The following CADM1 variants were observed in gnomAD, a reference collection of about 807,000 sequenced individuals.
The protein encoded by CADM1 is TSLC-1.
CADM1 carries 15 observed loss-of-function variants against 53.1 expected under a neutral mutation model. The observed-to-expected ratio is 0.28, with a 90% CI of 0.19 to 0.44. CADM1 has a LOEUF of 0.44. CADM1 is among the 20% of genes least tolerant of loss of function. The pLI is 1.00. For missense variants in CADM1, 434 were observed against 611.3 expected, an observed-to-expected ratio of 0.71 and a Z score of 3.06; for synonymous variants, 281 against 243.0, an observed-to-expected ratio of 1.16 and a Z score of -1.45.
intron 1 of CADM1, among the ~76,000 whole-genome samples, chr11:115,354,435 T>TAGA (rs1945812079): frequency 6.6e-6 from 1 of 152,128 alleles, no homozygotes; most frequent in East Asian, 1.9e-4. Flanking sequence ...CCTGATATTC[T>TAGA]TAAGACCTGG....
intron 3 of CADM1, among the ~76,000 whole-genome samples, chr11:115,237,312 T>A (rs531558964): frequency 6.6e-6 from 1 of 152,332 alleles, no homozygotes; most frequent in Admixed American, 6.5e-5. Context: ...CCATCTATCA[T>A]TAAACACAGA....
intron 6 of CADM1, among the ~76,000 whole-genome samples, chr11:115,217,038 A>G (rs1941216646): frequency 6.6e-6 from 1 of 152,208 alleles, no homozygotes; most frequent in Non-Finnish European, 1.5e-5. Context: ...AGCGTCCTTA[A>G]TCCCAACATT....
chr11:115,183,759 C>T (rs748552912), intron 10 of CADM1, among the ~76,000 whole-genome samples: 11 of 152,110 alleles, frequency 7.2e-5, no homozygotes, highest in Admixed American at 2.6e-4. Flanking sequence ...GGCGCTTAAA[C>T]GCACACTTTA....
chr11:115,274,789 G>GGCA (rs1361177885), intron 1 of CADM1, among the ~76,000 whole-genome samples: 1 of 152,084 alleles, frequency 6.6e-6, no homozygotes, highest in Admixed American at 6.6e-5. Context: ...TGGGTGGGGT[G>GGCA]GCAGCCCAGG....
At chr11:115,350,506 T>C (rs936935988) in intron 1 of CADM1, among the ~76,000 whole-genome samples, 2 of 127,388 alleles carry the variant, frequency 1.6e-5, no homozygotes, top group African/African-American at 2.6e-5. Flanking sequence ...CCATTCTTTT[T>C]TTCTTTTTTT....
chr11:115,243,583 G>A (rs370866822), intron 1 of CADM1, among the ~76,000 whole-genome samples: 12 of 152,014 alleles, frequency 7.9e-5, no homozygotes, highest in Admixed American at 2.6e-4. Flanking sequence ...ATGAAAATAC[G>A]GTATGTATGT....
At chr11:115,319,155 C>A (rs189682239) in intron 1 of CADM1, among the ~76,000 whole-genome samples, 21 of 152,224 alleles carry the variant, frequency 1.4e-4, no homozygotes, top group African/African-American at 5.1e-4. Flanking sequence ...GGTAACAGAA[C>A]CCCTCTTTTT....
At chr11:115,218,786 G>C (rs1351423367) in intron 5 of CADM1, among the ~76,000 whole-genome samples, 1 of 152,160 alleles carries the variant, frequency 6.6e-6, no homozygotes, top group African/African-American at 2.4e-5. Flanking sequence ...GAGGTACTTA[G>C]GAAGGAGATA....
In CADM1 at chr11:115,277,740, T is replaced by C. The variant is rs144149161; in HGVS notation, c.125-37320A>G. ...AATGACACTGACTAGGCATTTAGTA[T>C]AGACTAAATGCTGAAACTACCAAAA... is the stretch of plus-strand genomic sequence containing the variant. On this transcript the variant is annotated intron_variant, in intron 1 of 11. Transcript: ENST00000331581. Among the ~76,000 whole-genome samples, 648 of 152,316 alleles carry C rather than the reference T, an allele frequency of 4.3e-3. 7 individuals carry two copies. Among genetic ancestry groups the C allele is most frequent in the African/African-American group, 0.015 (604 of 41,562 alleles).
intron 1 of CADM1, among the ~76,000 whole-genome samples, chr11:115,393,478 G>A (rs766601381): frequency 6.6e-6 from 1 of 151,090 alleles, no homozygotes; most frequent in African/African-American, 2.4e-5. Flanking sequence ...TATACTTTTC[G>A]GGGTTGTCAT....
rs905467215 is a variant in CADM1 at position 115,281,865 on chromosome 11, G to GA, written c.125-41446dup. Among the ~76,000 whole-genome samples, 584 of 146,664 alleles carry GA rather than the reference G, an allele frequency of 4.0e-3. 4 individuals carry two copies. The highest frequency in any genetic ancestry group is 5.6e-3 in the South Asian group (26 of 4,642). ...ATAATACTATATTTAATGGCTAACTGAAAAAAAAAAGAACACCATGTCACT... is the reference window on the plus strand; with the variant it reads ...ATAATACTATATTTAATGGCTAACTGAAAAAAAAAAAGAACACCATGTCACT... On this transcript the variant is annotated intron_variant, in intron 1 of 11. Coordinates refer to ENST00000331581, the MANE Select transcript of CADM1 (RefSeq NM_001301043.2).
At chr11:115,271,761 A>C (rs936136432) in intron 1 of CADM1, among the ~76,000 whole-genome samples, 2 of 152,198 alleles carry the variant, frequency 1.3e-5, no homozygotes, top group Admixed American at 6.6e-5. Flanking sequence ...AGTTTTCAGA[A>C]GTTTCACTGG....
intron 1 of CADM1, among the ~76,000 whole-genome samples, chr11:115,412,373 T>A (rs1947479735): frequency 6.6e-6 from 1 of 152,080 alleles, no homozygotes; most frequent in Admixed American, 6.6e-5. Flanking sequence ...TTTTTAAAAT[T>A]TTTTTAGAGA....
intron 1 of CADM1, among the ~76,000 whole-genome samples, chr11:115,313,795 G>A (rs1944590361): frequency 6.6e-6 from 1 of 152,070 alleles, no homozygotes; most frequent in African/African-American, 2.4e-5. Context: ...CCTCCTTCTG[G>A]GAAGCTGAAA....
At chr11:115,467,735 C>T (rs1156649860) in intron 1 of CADM1, among the ~76,000 whole-genome samples, 1 of 152,222 alleles carries the variant, frequency 6.6e-6, no homozygotes, top group Non-Finnish European at 1.5e-5. Flanking sequence ...ACAATACTCT[C>T]ATCCTATTCT....
intron 1 of CADM1, among the ~76,000 whole-genome samples, chr11:115,399,834 G>A (rs773306218): frequency 2.8e-4 from 43 of 151,822 alleles, no homozygotes; most frequent in Non-Finnish European, 4.9e-4. Context: ...CTTTCACATA[G>A]CGTTAGCCAG....
At chr11:115,299,019 C>T (rs575171384) in intron 1 of CADM1, among the ~76,000 whole-genome samples, 2 of 152,288 alleles carry the variant, frequency 1.3e-5, no homozygotes, top group African/African-American at 4.8e-5. Context: ...GTAACAATGA[C>T]CAACCATAAA....
At position 115,364,327 on chromosome 11, in the gene CADM1, C is replaced by T. The variant is rs1358639009; in HGVS notation, c.125-123907G>A. 2.6e-5 allele frequency among the ~76,000 whole-genome samples: 4 copies of T among 152,264 alleles called. No homozygotes were observed. The East Asian group carries it at 7.7e-4, about 29-fold the overall frequency. ...ACATTTATGCCCATCCTTAAGTCTC[C>T]TTTATACTTGAAACCCTCCCAATTA... is the stretch of plus-strand genomic sequence containing the variant. On this transcript the variant is annotated intron_variant, in intron 1 of 11. Transcript: ENST00000331581.
chr11:115,400,208 A>C (rs1176915138), intron 1 of CADM1, among the ~76,000 whole-genome samples: 1 of 152,122 alleles, frequency 6.6e-6, no homozygotes, highest in Non-Finnish European at 1.5e-5. Flanking sequence ...AAAACCTAAA[A>C]AAGAAAAACA....
Sources: allele counts gnomAD v4.1 joint callset (sites outside exome capture counted in the v4.1 genomes callset), GRCh38; gene constraint gnomAD v4.1.1; transcripts MANE v1.5; gene names NCBI Gene and HGNC (gene_info 2026-07-23, HGNC 2026-07-21).